Variants in ZNF761 observed in about 807,000 individuals in gnomAD.
The protein encoded by ZNF761 is zinc finger protein 761.
A neutral mutation model predicts 59.9 loss-of-function variants in ZNF761; 43 were observed. That is an observed-to-expected ratio of 0.72 (90% CI 0.56 to 0.92). The LOEUF (loss-of-function observed/expected upper bound fraction) is 0.92. Ranked by LOEUF, ZNF761 falls within the 40% of genes least tolerant of loss-of-function variation. The probability of loss-of-function intolerance (pLI) is 0.00; values close to 1 mark genes in which losing one functional copy is unlikely to be tolerated. For missense variants in ZNF761, 850 were observed against 906.1 expected, an observed-to-expected ratio of 0.94 and a Z score of 0.79; for synonymous variants, 294 against 304.8, an observed-to-expected ratio of 0.96 and a Z score of 0.37.
At chr19:53,443,557 A>C (rs2086122441) in intron 1 of ZNF761, 1 of 152,384 alleles carries the variant, frequency 6.6e-6, no homozygotes, top group Admixed American at 6.5e-5. Context: ...GAAGCAGTGC[A>C]TCAAGCACAT....
At chr19:53,452,115 A>G (rs929296999) in intron 4 of ZNF761, among the ~76,000 whole-genome samples, 1 of 151,122 alleles carries the variant, frequency 6.6e-6, no homozygotes, top group Non-Finnish European at 1.5e-5. Flanking sequence ...TTCGGATGCC[A>G]AGGTGGGCTG....
chr19:53,440,487 AT>A (rs2086086831), intron 1 of ZNF761, among the ~76,000 whole-genome samples: 1 of 152,154 alleles, frequency 6.6e-6, no homozygotes, highest in African/African-American at 2.4e-5. Flanking sequence ...ATTCCTATCT[AT>A]AAGGCATGTA....
At chr19:53,450,682 G>A (rs576950254) in intron 4 of ZNF761, among the ~76,000 whole-genome samples, 9 of 152,080 alleles carry the variant, frequency 5.9e-5, no homozygotes, top group East Asian at 1.9e-4. Flanking sequence ...TTGGCTCACC[G>A]CAGCCAGCTC....
intron 4 of ZNF761, among the ~76,000 whole-genome samples, chr19:53,454,148 T>C (rs531491065): frequency 1.3e-5 from 2 of 152,338 alleles, no homozygotes; most frequent in African/African-American, 4.8e-5. Flanking sequence ...CATTTTGTAA[T>C]CTTTTCTTGT....
In ZNF761 at chr19:53,457,247, TAATA is replaced by T. The variant is rs1259116891; in HGVS notation, c.*503_*506del. ...ATAAGGAAGAGAGATCATACTAGGG[TAATA>T]AATGTGGCAGATTTTTCAGACATTG... On this transcript the variant is annotated 3_prime_UTR_variant, in exon 5 of 5. Coordinates refer to ENST00000684525, the MANE Select transcript of ZNF761 (RefSeq NM_001289951.2). 2.2e-6 allele frequency: 1 copy of T among 445,566 alleles called. No individual in the cohort carries two copies. The highest frequency in any genetic ancestry group is 4.5e-6 in the Non-Finnish European group (1 of 223,014). 27.6% of individuals were successfully genotyped at this position (445,566 alleles called of 1,614,324 possible). A position where few individuals can be genotyped will look rare whatever the true frequency, so the allele number is the denominator to read the frequency against.
rs780041357 is a variant in ZNF761 at position 53,456,254 on chromosome 19, A to C, written c.1747A>C (p.Ser583Arg). 8.1e-6 allele frequency: 13 copies of C among 1,613,128 alleles called. No individual in the cohort carries two copies. Among genetic ancestry groups the C allele is most frequent in the Admixed American group, 5.0e-5 (3 of 59,936 alleles). The change falls in exon 5 of 5, where the codon AGT becomes CGT. Residue 583 changes from serine (S) to arginine (R), a missense_variant. Physicochemically the swap from Ser to Arg is moderately radical, Grantham distance 110. Transcript: ENST00000684525. ...SGENPYKCEDSDKAYSFKSNL... is the reference protein window; with the variant it reads ...SGENPYKCEDRDKAYSFKSNL... ...AGAGAACCCTTACAAATGTGAAGATAGTGACAAAGCTTACAGTTTCAAATC... is the reference window on the plus strand; with the variant it reads ...AGAGAACCCTTACAAATGTGAAGATCGTGACAAAGCTTACAGTTTCAAATC...
chr19:53,445,055 A>T (rs2086142205), intron 1 of ZNF761: 1 of 137,532 alleles, frequency 7.3e-6, no homozygotes, highest in African/African-American at 2.8e-5. Context: ...ATCTCGGCTC[A>T]CTGCAACCTC....
intron 1 of ZNF761, chr19:53,445,129 A>T (rs968147278): frequency 2.6e-5 from 4 of 151,502 alleles, no homozygotes. Flanking sequence ...TACAGGCATG[A>T]TCCATTGCTC....
At chr19:53,432,060 C>T (rs1421968597) in intron 1 of ZNF761, 32 bp downstream of exon 1, 2 of 152,576 alleles carry the variant, frequency 1.3e-5, no homozygotes, top group African/African-American at 4.8e-5. Context: ...ATTAAGTCTG[C>T]TCTTCCAGGT....
intron 3 of ZNF761, among the ~76,000 whole-genome samples, chr19:53,449,243 T>C (rs1274869842): frequency 6.6e-6 from 1 of 151,774 alleles, no homozygotes; most frequent in Non-Finnish European, 1.5e-5. Flanking sequence ...GGCAGGAAAA[T>C]CGCTTGATCC....
chr19:53,440,503 G>A (rs935043101), intron 1 of ZNF761, among the ~76,000 whole-genome samples: 1 of 152,136 alleles, frequency 6.6e-6, no homozygotes, highest in African/African-American at 2.4e-5. Context: ...CATGTACATT[G>A]TATAAATCTT....
chr19:53,440,004 C>T (rs2086082048), intron 1 of ZNF761, among the ~76,000 whole-genome samples: 1 of 152,080 alleles, frequency 6.6e-6, no homozygotes, highest in South Asian at 2.1e-4. Flanking sequence ...GTTCTTCTTG[C>T]ATATGAGGTT....
chr19:53,433,039 G>A (rs1196368058), intron 1 of ZNF761, among the ~76,000 whole-genome samples: 1 of 96,418 alleles, frequency 1.0e-5, no homozygotes, highest in African/African-American at 3.7e-5. Flanking sequence ...CTAGAGAGTG[G>A]GGACAGGGGG....
At position 53,435,134 on chromosome 19, in the gene ZNF761, C is replaced by A. The variant is rs568789915; in HGVS notation, c.-185+3106C>A. Among the ~76,000 whole-genome samples, 10 of 151,792 alleles carry A rather than the reference C, an allele frequency of 6.6e-5. No individual in the cohort carries two copies. The East Asian group carries it at 1.2e-3, about 18-fold the overall frequency. On this transcript the variant is annotated intron_variant, in intron 1 of 4. Transcript: ENST00000684525. ...ATAGGCCATCGGTAAAAGGGGGGGA[C>A]CTTGGTTTGGTTTAAGAGGTGACTT... is the stretch of plus-strand genomic sequence containing the variant.
At position 53,457,294 on chromosome 19, in the gene ZNF761, A is replaced by G. The variant is rs1348101437; in HGVS notation, c.*546A>G. 3 of 407,348 alleles carry G rather than the reference A, an allele frequency of 7.4e-6. No homozygotes were observed. Among genetic ancestry groups the G allele is most frequent in the Non-Finnish European group, 1.5e-5 (3 of 201,330 alleles). The allele number at this position is 407,348 out of a possible 1,614,324, so 25.2% of individuals were successfully genotyped here. A position where few individuals can be genotyped will look rare whatever the true frequency, so the allele number is the denominator to read the frequency against. On this transcript the variant is annotated 3_prime_UTR_variant, in exon 5 of 5. Coordinates refer to ENST00000684525, the MANE Select transcript of ZNF761 (RefSeq NM_001289951.2). Reference sequence around the variant, plus strand: ...AGACATTGTTCATACCTTGCAGTTCATCGGTGAACTCAACGCTGGAGAGAA... The same window carrying G: ...AGACATTGTTCATACCTTGCAGTTCGTCGGTGAACTCAACGCTGGAGAGAA...
rs765486655 is a variant in ZNF761 at position 53,449,610 on chromosome 19, G to A, written c.114G>A (p.Leu38=). The change falls in exon 4 of 5, where the codon CTG becomes CTA. Residue 38 remains leucine, a synonymous_variant. Coordinates refer to ENST00000684525, the MANE Select transcript of ZNF761 (RefSeq NM_001289951.2). ...AQRTLYRDVM[L]ENYRNLVSLD... ...GGACTCTATACAGGGACGTGATGCT[G>A]GAGAATTATAGGAACCTGGTCTCCC... The A allele has an allele frequency of 1.1e-5, 17 of 1,610,792 alleles. No homozygotes were observed. The African/African-American group carries it at 2.0e-4, about 19-fold the overall frequency.
rs956843495 is a variant in ZNF761, at chr19:53,452,969, T to A, written c.143-1681T>A. 4.6e-5 allele frequency among the ~76,000 whole-genome samples: 7 copies of A among 152,184 alleles called. No individual in the cohort carries two copies. In the East Asian group the frequency reaches 5.8e-4, roughly 13 times the overall value. On this transcript the variant is annotated intron_variant, in intron 4 of 4. Transcript: ENST00000684525. ...GCAATTTGATTTATAAAATGTTTTC[T>A]CTGATCTTAGTTTAAAATTTTTCCC...
At chr19:53,432,670 G>A (rs1418195843) in intron 1 of ZNF761, among the ~76,000 whole-genome samples, 1 of 152,190 alleles carries the variant, frequency 6.6e-6, no homozygotes, top group Non-Finnish European at 1.5e-5. Context: ...GGGCCAAAGG[G>A]ATCAGGAGAC....
At chr19:53,435,289 C>CTTCTTTTTTT (rs2086027087) in intron 1 of ZNF761, among the ~76,000 whole-genome samples, 1 of 53,590 alleles carries the variant, frequency 1.9e-5, no homozygotes, top group African/African-American at 8.1e-5. Flanking sequence ...AATACAAGTC[C>CTTCTTTTTTT]TTTTTTTTTT....
Sources: allele counts gnomAD v4.1 joint callset (sites outside exome capture counted in the v4.1 genomes callset), GRCh38; gene constraint gnomAD v4.1.1; transcripts MANE v1.5; gene names NCBI Gene and HGNC (gene_info 2026-07-23, HGNC 2026-07-21).